The following IMMP2L variants were observed in gnomAD, a reference collection of about 807,000 sequenced individuals.
IMMP2L encodes mitochondrial inner membrane protease subunit 2.
A neutral mutation model predicts 19.3 loss-of-function variants in IMMP2L; 18 were observed. The observed-to-expected ratio is 0.93, with a 90% CI of 0.64 to 1.38. IMMP2L has a LOEUF of 1.38. Ranked by LOEUF, IMMP2L falls within the 40% of genes most tolerant of loss-of-function variation. The pLI, the probability that IMMP2L is intolerant of heterozygous loss-of-function variation, is 0.00. For synonymous variants in IMMP2L, 76 were observed against 73.0 expected (o/e 1.04, Z -0.21); for missense variants, 233 against 218.2 (o/e 1.07, Z -0.43).
intron 3 of IMMP2L, among the ~76,000 whole-genome samples, chr7:111,393,172 A>G (rs1832539049): frequency 6.6e-6 from 1 of 152,106 alleles, no homozygotes; most frequent in Admixed American, 6.6e-5. Flanking sequence ...CCCACCAAGA[A>G]TAACCTCACT....
At position 111,425,747 on chromosome 7, in the gene IMMP2L, A is replaced by G. The variant is rs1213710338; in HGVS notation, c.239+61491T>C. 2.6e-5 allele frequency among the ~76,000 whole-genome samples: 4 copies of G among 151,302 alleles called. 2 individuals carry two copies. Among genetic ancestry groups the G allele is most frequent in the African/African-American group, 9.7e-5 (4 of 41,082 alleles). The stretch of plus-strand genomic sequence containing the variant: ...TTCACTCAGTAAAGAAAGAGGAATC[A>G]GCAAGTGTTCCCAAACATTTTGAAC... On this transcript the variant is annotated intron_variant, in intron 3 of 5. Coordinates refer to ENST00000405709, the MANE Select transcript of IMMP2L (RefSeq NM_032549.4).
intron 3 of IMMP2L, among the ~76,000 whole-genome samples, chr7:111,446,046 G>A (rs1030537150): frequency 5.9e-5 from 9 of 152,098 alleles, no homozygotes; most frequent in African/African-American, 9.6e-5. Context: ...CACCTGGCTC[G>A]GAGGGTCCTA....
chr7:110,811,891 C>T (rs1328223722), intron 5 of IMMP2L, among the ~76,000 whole-genome samples: 1 of 152,002 alleles, frequency 6.6e-6, no homozygotes, highest in Non-Finnish European at 1.5e-5. Flanking sequence ...AGCATCCTAA[C>T]CCTCTGGCCA....
intron 3 of IMMP2L, among the ~76,000 whole-genome samples, chr7:111,134,156 A>C (rs1448525288): frequency 6.6e-6 from 1 of 152,064 alleles, no homozygotes; most frequent in African/African-American, 2.4e-5. Flanking sequence ...CAAATATGTT[A>C]CATAGAGTTT....
intron 3 of IMMP2L, among the ~76,000 whole-genome samples, chr7:111,051,186 T>A (rs1792972426): frequency 6.6e-6 from 1 of 152,196 alleles, no homozygotes; most frequent in Non-Finnish European, 1.5e-5. Context: ...AGTATTTTTA[T>A]GCATTTCCCT....
intron 3 of IMMP2L, among the ~76,000 whole-genome samples, chr7:111,084,300 T>TAA (rs56331509): frequency 4.7e-5 from 6 of 128,942 alleles, no homozygotes; most frequent in Non-Finnish European, 6.4e-5. Context: ...GAAATAAAAT[T>TAA]AAAAAAAAAA....
chr7:110,943,037 A>G (rs1267083378), intron 4 of IMMP2L, among the ~76,000 whole-genome samples: 1 of 151,948 alleles, frequency 6.6e-6, no homozygotes, highest in Non-Finnish European at 1.5e-5. Flanking sequence ...GAATCCCTGA[A>G]CAGTATACCT....
chr7:111,197,281 G>A (rs899759809), intron 3 of IMMP2L, among the ~76,000 whole-genome samples: 2 of 152,080 alleles, frequency 1.3e-5, no homozygotes. Flanking sequence ...GCTAACACAG[G>A]TGAAACCCCG....
chr7:110,725,172 A>G (rs1584621397), intron 5 of IMMP2L, among the ~76,000 whole-genome samples: 2 of 152,332 alleles, frequency 1.3e-5, no homozygotes, highest in East Asian at 1.9e-4. Context: ...AAGGCATTTC[A>G]GACACGGATC....
intron 3 of IMMP2L, among the ~76,000 whole-genome samples, chr7:111,001,130 T>G (rs758630932): frequency 2.0e-5 from 3 of 152,180 alleles, no homozygotes; most frequent in Non-Finnish European, 4.4e-5. Context: ...GCATGTAGAA[T>G]CCTAGTGTAA....
At chr7:110,903,502 T>G (rs546927368) in intron 4 of IMMP2L, among the ~76,000 whole-genome samples, 1 of 152,204 alleles carries the variant, frequency 6.6e-6, no homozygotes, top group Non-Finnish European at 1.5e-5. Flanking sequence ...AGTGAAATCA[T>G]GTAATATTGG....
At chr7:111,299,544 C>A (rs1821988478) in intron 3 of IMMP2L, among the ~76,000 whole-genome samples, 2 of 143,210 alleles carry the variant, frequency 1.4e-5, no homozygotes, top group Non-Finnish European at 3.0e-5. Context: ...GGGGTTTTCC[C>A]AGATAATTCT....
intron 3 of IMMP2L, among the ~76,000 whole-genome samples, chr7:110,992,298 G>A (rs1162244896): frequency 6.6e-6 from 1 of 151,726 alleles, no homozygotes; most frequent in African/African-American, 2.4e-5. Context: ...TATTTCCTAT[G>A]GTTTCAGTAA....
chr7:111,438,479 G>C (rs528707527), intron 3 of IMMP2L, among the ~76,000 whole-genome samples: 2 of 151,762 alleles, frequency 1.3e-5, no homozygotes, highest in Non-Finnish European at 2.9e-5. Flanking sequence ...AACAACTTCT[G>C]ACAATCCTCT....
At chr7:110,718,082 A>G (rs1204261650) in intron 5 of IMMP2L, among the ~76,000 whole-genome samples, 2 of 152,218 alleles carry the variant, frequency 1.3e-5, no homozygotes, top group Non-Finnish European at 2.9e-5. Flanking sequence ...AGGACCAAAA[A>G]TGGGACTTCT....
At chr7:111,356,253 G>A (rs1254091153) in intron 3 of IMMP2L, among the ~76,000 whole-genome samples, 1 of 151,812 alleles carries the variant, frequency 6.6e-6, no homozygotes, top group East Asian at 1.9e-4. Context: ...CCTCATCTGT[G>A]GATTCAAGCA....
intron 5 of IMMP2L, among the ~76,000 whole-genome samples, chr7:110,802,329 GTA>G (rs1160679284): frequency 3.1e-4 from 21 of 68,318 alleles, no homozygotes; most frequent in African/African-American, 1.0e-3. Flanking sequence ...GTGTATGTGT[GTA>G]TGTGTGTGTG....
chr7:111,312,875 A>G (rs184704548), intron 3 of IMMP2L, among the ~76,000 whole-genome samples: 340 of 152,286 alleles, frequency 2.2e-3, no homozygotes, highest in Non-Finnish European at 3.1e-3. Context: ...AAACTACTAT[A>G]GACATTTCCA....
intron 3 of IMMP2L, among the ~76,000 whole-genome samples, chr7:111,008,623 G>A (rs1824569132): frequency 6.6e-6 from 1 of 151,088 alleles, no homozygotes; most frequent in Non-Finnish European, 1.5e-5. Flanking sequence ...TATTCTTCTG[G>A]CTCCTCTCTT....
Sources: allele counts gnomAD v4.1 joint callset (sites outside exome capture counted in the v4.1 genomes callset), GRCh38; gene constraint gnomAD v4.1.1; transcripts MANE v1.5; gene names NCBI Gene and HGNC (gene_info 2026-07-23, HGNC 2026-07-21).